Variants in CDC37L1 observed in about 807,000 individuals in gnomAD.
The protein encoded by CDC37L1 is hsp90 co-chaperone Cdc37-like 1.
Under a neutral mutation model 45.9 loss-of-function variants are expected in CDC37L1, and 32 were observed. The observed-to-expected ratio is 0.70, with a 90% CI of 0.53 to 0.94. The LOEUF (loss-of-function observed/expected upper bound fraction) is 0.94. Ranked by LOEUF, CDC37L1 falls within the 40% of genes least tolerant of loss-of-function variation. The pLI is 0.00. For synonymous variants in CDC37L1, 150 were observed against 133.0 expected (o/e 1.13, Z -0.88); for missense variants, 434 against 405.7 (o/e 1.07, Z -0.60).
chr9:4,693,138 G>C, intron 3 of CDC37L1, among the ~76,000 whole-genome samples: 1 of 152,056 alleles, frequency 6.6e-6, no homozygotes, highest in East Asian at 1.9e-4. Context: ...AATTAGTGTA[G>C]TTTGTTAAAA....
intron 3 of CDC37L1, among the ~76,000 whole-genome samples, chr9:4,690,290 C>T (rs1031750720): frequency 6.6e-6 from 1 of 152,162 alleles, no homozygotes; most frequent in Non-Finnish European, 1.5e-5. Context: ...AGGGAGGGCA[C>T]TTCCACATCT....
At chr9:4,697,379 G>A (rs1841357699) in intron 4 of CDC37L1, among the ~76,000 whole-genome samples, 168 bp downstream of exon 4, 1 of 151,952 alleles carries the variant, frequency 6.6e-6, no homozygotes, top group Admixed American at 6.6e-5. Context: ...GTTTAATGTG[G>A]GATTTTGTTG....
intron 6 of CDC37L1, chr9:4,703,157 C>T: frequency 6.7e-7 from 1 of 1,493,682 alleles, no homozygotes; most frequent in East Asian, 2.5e-5. Context: ...AAGTCTTATT[C>T]AAAAGACAAT....
At chr9:4,680,745 T>G (rs2130840018) in intron 1 of CDC37L1, among the ~76,000 whole-genome samples, 1 of 152,234 alleles carries the variant, frequency 6.6e-6, no homozygotes, top group East Asian at 1.9e-4. Context: ...GACTAAACAC[T>G]AATATATTCA....
rs192852130 is a variant in CDC37L1 at position 4,706,485 on chromosome 9, T to C, written c.*373T>C. The stretch of plus-strand genomic sequence containing the variant: ...TACAGTCTCTTTTTATATGGATATG[T>C]ACATGTCCTATTCTACAAAAATGAT... On this transcript the variant is annotated 3_prime_UTR_variant, in exon 7 of 7. Transcript: ENST00000381854. The C allele has an allele frequency of 0.018, 2,858 of 157,666 alleles. 64 individuals carry two copies. The highest frequency in any genetic ancestry group is 0.054 in the African/African-American group (2,266 of 41,692). The allele number at this position is 157,666 out of a possible 1,614,324, so 9.8% of individuals were successfully genotyped here.
chr9:4,682,499 T>G (rs1407851190), intron 1 of CDC37L1, among the ~76,000 whole-genome samples: 1 of 151,776 alleles, frequency 6.6e-6, no homozygotes, highest in Non-Finnish European at 1.5e-5. Flanking sequence ...GGCTAATTTT[T>G]TGTATTTTTA....
chr9:4,696,522 T>C (rs1441312763), intron 3 of CDC37L1, among the ~76,000 whole-genome samples: 1 of 152,026 alleles, frequency 6.6e-6, no homozygotes, highest in African/African-American at 2.4e-5. Flanking sequence ...GAAAAAAATC[T>C]ATTCAGTTAT....
At chr9:4,693,145 A>T (rs992753784) in intron 3 of CDC37L1, among the ~76,000 whole-genome samples, 4 of 152,110 alleles carry the variant, frequency 2.6e-5, no homozygotes, top group Non-Finnish European at 4.4e-5. Context: ...GTAGTTTGTT[A>T]AAATATATCA....
At chr9:4,697,653 AAG>A in intron 4 of CDC37L1, 102 bp from the exon 5 acceptor site, 1 of 603,592 alleles carries the variant, frequency 1.7e-6, no homozygotes, top group Non-Finnish European at 2.8e-6. Context: ...CTTATAACTT[AAG>A]AGAGTAAAAT....
intron 5 of CDC37L1, among the ~76,000 whole-genome samples, chr9:4,700,368 G>A (rs757663004): frequency 2.8e-4 from 42 of 152,068 alleles, no homozygotes; most frequent in Non-Finnish European, 5.3e-4. Context: ...GGCTGGTCTC[G>A]AACTTCTGGG....
chr9:4,692,668 T>G (rs529492209), intron 3 of CDC37L1, among the ~76,000 whole-genome samples: 10 of 152,352 alleles, frequency 6.6e-5, no homozygotes, highest in African/African-American at 2.4e-4. Flanking sequence ...ACAGCTAACT[T>G]TTATTTTCCG....
intron 5 of CDC37L1, among the ~76,000 whole-genome samples, chr9:4,698,924 T>G (rs1841373016): frequency 7.3e-6 from 1 of 136,168 alleles, no homozygotes; most frequent in South Asian, 2.5e-4. Context: ...CTCACTAAAT[T>G]TTTTTGTTTT....
At chr9:4,686,907 T>G (rs1021374027) in intron 2 of CDC37L1, among the ~76,000 whole-genome samples, 1 of 152,234 alleles carries the variant, frequency 6.6e-6, no homozygotes. Context: ...AGTAAAATAT[T>G]AATAATTGTT....
At chr9:4,691,527 A>T (rs1841300730) in intron 3 of CDC37L1, among the ~76,000 whole-genome samples, 1 of 152,070 alleles carries the variant, frequency 6.6e-6, no homozygotes, top group African/African-American at 2.4e-5. Flanking sequence ...TTCCAGTTGG[A>T]GGCTTTCTGG....
rs776871418 is a variant in CDC37L1, at chr9:4,702,010, A to G, written c.894A>G (p.Leu298=). The change falls in exon 6 of 7, where the codon TTA becomes TTG. Residue 298 remains leucine (L), a synonymous_variant. Transcript: ENST00000381854. ...VPHSGVGSIG[L]LESLPQNPDY... is the part of the protein sequence containing the mutation. ...ATTCTGGTGTTGGATCTATAGGTTT[A>G]TTAGAATCCTTACCACAGGTAAGTT... 5.5e-6 allele frequency: 8 copies of G among 1,454,824 alleles called. No individual in the cohort carries two copies. In the South Asian group the frequency reaches 1.2e-4, roughly 22 times the overall value. The allele number at this position is 1,454,824 out of a possible 1,614,324, so 90.1% of individuals were successfully genotyped here.
chr9:4,705,929 G>A lies in CDC37L1; in HGVS notation c.913-82G>A, dbSNP rs1841437111. ...TGCAGAGAAATAGGACGGTGAAACTGAATATATATGTATGTACTGTCATAA... is the reference window on the plus strand; with the variant it reads ...TGCAGAGAAATAGGACGGTGAAACTAAATATATATGTATGTACTGTCATAA... On this transcript the variant is annotated intron_variant, in intron 6 of 6. Coordinates refer to ENST00000381854, the MANE Select transcript of CDC37L1 (RefSeq NM_017913.4). 12 of 600,066 alleles carry A rather than the reference G, an allele frequency of 2.0e-5. No individual in the cohort carries two copies. The South Asian group carries it at 2.6e-4, about 13-fold the overall frequency. 37.2% of individuals were successfully genotyped at this position (600,066 alleles called of 1,614,324 possible). A position where few individuals can be genotyped will look rare whatever the true frequency, so the allele number is the denominator to read the frequency against.
In CDC37L1 at chr9:4,685,037, C is replaced by T; in HGVS notation, c.293C>T (p.Thr98Ile). The change falls in exon 2 of 7, where the codon ACA (threonine) becomes ATA (isoleucine). Residue 98 changes from threonine (T) to isoleucine (I), a missense_variant. Thr to Ile is a moderately conservative substitution (Grantham distance 89, BLOSUM62 -1). Coordinates refer to ENST00000381854, the MANE Select transcript of CDC37L1 (RefSeq NM_017913.4). The stretch of plus-strand genomic sequence containing the variant: ...GATCAGGAGCATGCCAAAGCACAAA[C>T]AGCAGTATCAGAACTGAGGCAACGG... ...SLDQEHAKAQ[T>I]AVSELRQREE... 1 of 1,614,080 alleles carries T rather than the reference C, an allele frequency of 6.2e-7. No individual in the cohort carries two copies. Among genetic ancestry groups the T allele is most frequent in the Non-Finnish European group, 8.5e-7 (1 of 1,179,964 alleles).
Position 4,706,809 on chromosome 9 carries a change from G to A in CDC37L1, c.*697G>A, listed in dbSNP as rs993259267. ...TAAGAGTTATAATAATATCAAATGT[G>A]ATGAGCTAATATAGATTTTCTTTTT... On this transcript the variant is annotated 3_prime_UTR_variant, in exon 7 of 7. Coordinates refer to ENST00000381854, the MANE Select transcript of CDC37L1 (RefSeq NM_017913.4). 6.6e-6 allele frequency: 1 copy of A among 151,946 alleles called. No individual in the cohort carries two copies. Among genetic ancestry groups the A allele is most frequent in the African/African-American group, 2.4e-5 (1 of 41,372 alleles). 9.4% of individuals were successfully genotyped at this position (151,946 alleles called of 1,614,324 possible).
chr9:4,682,878 A>G (rs986158882), intron 1 of CDC37L1, among the ~76,000 whole-genome samples: 4 of 151,296 alleles, frequency 2.6e-5, no homozygotes, highest in African/African-American at 7.3e-5. Context: ...TAGCTAGTCT[A>G]CAGTTATTCT....
Sources: allele counts gnomAD v4.1 joint callset (sites outside exome capture counted in the v4.1 genomes callset), GRCh38; gene constraint gnomAD v4.1.1; transcripts MANE v1.5; gene names NCBI Gene and HGNC (gene_info 2026-07-23, HGNC 2026-07-21).